Variants in LRCH1 observed in about 807,000 individuals in gnomAD.
The protein encoded by LRCH1 is leucine rich repeats and calponin homology domain containing 1, also known as leucine-rich repeat and calponin homology domain-containing protein 1.
In LRCH1, 23 loss-of-function variants were observed where a neutral mutation model predicts 94.9. That is an observed-to-expected ratio of 0.24 (90% confidence interval 0.17 to 0.34). LRCH1 has a LOEUF of 0.34. Among genes scored for constraint, LRCH1 ranks in the 10% least tolerant of loss-of-function variants. The probability of loss-of-function intolerance (pLI) is 1.00; values close to 1 mark genes in which losing one functional copy is unlikely to be tolerated. For missense variants in LRCH1, 790 were observed against 945.9 expected (o/e 0.84, Z 2.16); for synonymous variants, 364 against 354.9 (o/e 1.03, Z -0.29).
At chr13:46,684,815 C>T (rs1416957544) in intron 4 of LRCH1, among the ~76,000 whole-genome samples, 4 of 152,200 alleles carry the variant, frequency 2.6e-5, no homozygotes, top group Non-Finnish European at 5.9e-5. Flanking sequence ...ATTTAAAAAA[C>T]ACAGTCCCTT....
rs761927895 is a variant in LRCH1 at position 46,711,864 on chromosome 13, A to G, written c.1581+20A>G. On this transcript the variant is annotated intron_variant, in intron 14 of 19. Transcript: ENST00000389797. ...AATGAGGTAAGTTTCTTGAAGATTAATGGAAGGTGAGGTGTTTCTTGATGG... is the reference window on the plus strand; with the variant it reads ...AATGAGGTAAGTTTCTTGAAGATTAGTGGAAGGTGAGGTGTTTCTTGATGG... 30 of 1,596,448 alleles carry G rather than the reference A, an allele frequency of 1.9e-5. No individual in the cohort carries two copies. Among genetic ancestry groups the G allele is most frequent in the Non-Finnish European group, 2.4e-5 (28 of 1,164,380 alleles).
chr13:46,692,323 G>A (rs994879116), intron 7 of LRCH1, among the ~76,000 whole-genome samples: 1 of 148,124 alleles, frequency 6.8e-6, no homozygotes, highest in African/African-American at 2.5e-5. Context: ...GCCCCACCCC[G>A]ACCCCAAGAA....
At chr13:46,614,617 A>C (rs2050784758) in intron 1 of LRCH1, among the ~76,000 whole-genome samples, 1 of 152,182 alleles carries the variant, frequency 6.6e-6, no homozygotes, top group Admixed American at 6.5e-5. Flanking sequence ...CTAGACTTTT[A>C]TCGTGAATCA....
At chr13:46,581,588 CCCGTGTT>C (rs1246651487) in intron 1 of LRCH1, among the ~76,000 whole-genome samples, 2 of 152,102 alleles carry the variant, frequency 1.3e-5, no homozygotes, top group African/African-American at 4.8e-5. Context: ...CATTCTCATC[CCCGTGTT>C]AGATGTGAGG....
chr13:46,723,894 A>T (rs1363086512), intron 17 of LRCH1, among the ~76,000 whole-genome samples: 1 of 152,192 alleles, frequency 6.6e-6, no homozygotes, highest in African/African-American at 2.4e-5. Flanking sequence ...ATACATATAA[A>T]TGCTGGCACT....
At chr13:46,676,058 C>T (rs780232821) in intron 3 of LRCH1, among the ~76,000 whole-genome samples, 4 of 152,118 alleles carry the variant, frequency 2.6e-5, no homozygotes, top group Non-Finnish European at 5.9e-5. Flanking sequence ...GTCAGGAGTT[C>T]GAGACCAGCC....
chr13:46,711,637 A>G (rs1429473881), intron 13 of LRCH1, among the ~76,000 whole-genome samples, 154 bp from the exon 14 acceptor site: 1 of 152,240 alleles, frequency 6.6e-6, no homozygotes, highest in Non-Finnish European at 1.5e-5. Context: ...AGTATGGTCT[A>G]CTTAGTTACT....
intron 3 of LRCH1, among the ~76,000 whole-genome samples, chr13:46,676,251 C>T (rs535957706): frequency 3.3e-5 from 5 of 151,942 alleles, no homozygotes; most frequent in East Asian, 1.9e-4. Context: ...ACAGAGACTC[C>T]GTCTCGGTGG....
chr13:46,671,358 C>A (rs943768425), intron 3 of LRCH1, among the ~76,000 whole-genome samples: 1 of 152,262 alleles, frequency 6.6e-6, no homozygotes, highest in Non-Finnish European at 1.5e-5. Flanking sequence ...CAGCTCCCCC[C>A]ACACCCTGAT....
At chr13:46,654,484 A>G (rs2051346050) in intron 2 of LRCH1, among the ~76,000 whole-genome samples, 1 of 152,246 alleles carries the variant, frequency 6.6e-6, no homozygotes, top group Non-Finnish European at 1.5e-5. Context: ...AAAAGGACAC[A>G]GAGACTTAGG....
chr13:46,689,514 C>G (rs183920812), intron 7 of LRCH1, among the ~76,000 whole-genome samples: 1 of 152,190 alleles, frequency 6.6e-6, no homozygotes, highest in African/African-American at 2.4e-5. Context: ...CTAAGTAGTA[C>G]GCAAGTGCCC....
chr13:46,557,303 A>C (rs2050076711), intron 1 of LRCH1, among the ~76,000 whole-genome samples: 2 of 152,010 alleles, frequency 1.3e-5, no homozygotes, highest in Admixed American at 1.3e-4. Flanking sequence ...AGGTTCTAGA[A>C]AATAAAAAAG....
At position 46,693,372 on chromosome 13, in the gene LRCH1, A is replaced by G. The variant is rs529607860; in HGVS notation, c.1120+731A>G. Among the ~76,000 whole-genome samples, 11 of 152,218 alleles carry G rather than the reference A, an allele frequency of 7.2e-5. No individual in the cohort carries two copies. In the East Asian group the frequency reaches 2.1e-3, roughly 29 times the overall value. On this transcript the variant is annotated intron_variant, in intron 8 of 19. Transcript: ENST00000389797. ...TTAACACAGGCCTTCCAAAACTTTC[A>G]TGTCCATCTGTTTTAAGCCAGAAGA...
intron 1 of LRCH1, among the ~76,000 whole-genome samples, chr13:46,566,086 C>T (rs544136023): frequency 2.2e-4 from 33 of 152,070 alleles, no homozygotes; most frequent in African/African-American, 6.5e-4. Flanking sequence ...TCAGTCTCTA[C>T]GGAAGTCTTG....
chr13:46,697,045 G>GT (rs1446796005), intron 9 of LRCH1, among the ~76,000 whole-genome samples: 4 of 152,208 alleles, frequency 2.6e-5, no homozygotes, highest in Non-Finnish European at 1.5e-5. Context: ...TCCAGCCTGG[G>GT]TGAAAGAGTG....
In LRCH1 at chr13:46,608,543, C is replaced by A. The variant is rs1228150922; in HGVS notation, c.308-41658C>A. On this transcript the variant is annotated intron_variant, in intron 1 of 19. Transcript: ENST00000389797. ...GATAAACATGATTTTGTTATCCATC[C>A]TTCTGCAGGAAAAGAAGCCAAGTTA... Among the ~76,000 whole-genome samples the A allele has an allele frequency of 4.6e-5, 7 of 152,306 alleles. No homozygotes were observed. The East Asian group carries it at 1.4e-3, about 29-fold the overall frequency.
chr13:46,616,675 C>G (rs1328967158), intron 1 of LRCH1, among the ~76,000 whole-genome samples: 3 of 152,204 alleles, frequency 2.0e-5, no homozygotes, highest in African/African-American at 7.2e-5. Context: ...AACATTTTTT[C>G]TATGTGCCTT....
chr13:46,562,126 C>T (rs776924182), intron 1 of LRCH1, among the ~76,000 whole-genome samples: 4 of 152,152 alleles, frequency 2.6e-5, no homozygotes, highest in Non-Finnish European at 5.9e-5. Flanking sequence ...ATTTTTCATC[C>T]ATCATCTTGG....
chr13:46,661,564 C>T (rs906455794), intron 2 of LRCH1, among the ~76,000 whole-genome samples: 2 of 152,110 alleles, frequency 1.3e-5, no homozygotes, highest in African/African-American at 4.8e-5. Flanking sequence ...TTTGGCAAAA[C>T]TTTACTCTGT....
Sources: allele counts gnomAD v4.1 joint callset (sites outside exome capture counted in the v4.1 genomes callset), GRCh38; gene constraint gnomAD v4.1.1; transcripts MANE v1.5; gene names NCBI Gene and HGNC (gene_info 2026-07-23, HGNC 2026-07-21).